Variants in BCL2L11 observed in about 807,000 individuals in gnomAD.
BCL2L11 encodes the protein BCL2 like 11.
A neutral mutation model predicts 20.6 loss-of-function variants in BCL2L11; 15 were observed. The observed-to-expected ratio is 0.73, with a 90% CI of 0.49 to 1.12. BCL2L11 has a LOEUF of 1.12. BCL2L11 is among the 50% of genes most tolerant of loss of function. The pLI is 0.00. For missense variants in BCL2L11, 292 were observed against 260.9 expected (o/e 1.12, Z -0.82); for synonymous variants, 108 against 92.8 (o/e 1.16, Z -0.94).
rs758817904 is a variant in BCL2L11 at position 111,164,208 on chromosome 2, C to T, written c.574C>T (p.Arg192Cys). The T allele has an allele frequency of 1.5e-5, 24 of 1,612,592 alleles. No individual in the cohort carries two copies. The highest frequency in any genetic ancestry group is 2.2e-5 in the East Asian group (1 of 44,874). The change falls in exon 4 of 4, where the codon CGC (arginine) becomes TGC (cysteine). Residue 192 changes from arginine (R) to cysteine (C), a missense_variant. Coordinates refer to ENST00000393256, the MANE Select transcript of BCL2L11 (RefSeq NM_138621.5). Reference protein sequence around the residue: ...VILRLLRYIVRLVWRMH With the variant: ...VILRLLRYIVCLVWRMH ...CTTACGACTGTTACGTTACATTGTCCGCCTGGTGTGGAGAATGCATTGACA... is the reference window on the plus strand; with the variant it reads ...CTTACGACTGTTACGTTACATTGTCTGCCTGGTGTGGAGAATGCATTGACA...
chr2:111,144,387 T>C, intron 2 of BCL2L11: 1 of 1,296,424 alleles, frequency 7.7e-7, no homozygotes, highest in Non-Finnish European at 1.1e-6. Context: ...GGTTACTTGC[T>C]TATTTTATTT....
chr2:111,150,048 C>T lies in BCL2L11; in HGVS notation c.399C>T (p.Ser133=). The T allele has an allele frequency of 6.2e-7, 1 of 1,613,580 alleles. No homozygotes were observed. ...TTTTGTTTTGTTCTGATGCAGCTTCCATGAGGCAGGCTGAACCTGCAGATA... is the reference window on the plus strand; with the variant it reads ...TTTTGTTTTGTTCTGATGCAGCTTCTATGAGGCAGGCTGAACCTGCAGATA... The part of the protein sequence containing the change: ...AFNHYLSAMA[S]MRQAEPADMR... The change falls in exon 3 of 4, where the codon TCC becomes TCT. Residue 133 remains serine (S), a synonymous_variant. Coordinates refer to ENST00000393256, the MANE Select transcript of BCL2L11 (RefSeq NM_138621.5).
At chr2:111,131,980 C>T (rs1256615641) in intron 2 of BCL2L11, 1 of 152,142 alleles carries the variant, frequency 6.6e-6, no homozygotes, top group Admixed American at 6.5e-5. Flanking sequence ...TTCGCAAAAC[C>T]AGGGTTAATC....
chr2:111,138,773 C>G (rs2075341102), intron 2 of BCL2L11, among the ~76,000 whole-genome samples: 1 of 152,152 alleles, frequency 6.6e-6, no homozygotes, highest in Non-Finnish European at 1.5e-5. Context: ...TGGGTCGGGT[C>G]CTGCCTGCCC....
rs72948346 is a variant in BCL2L11 at position 111,148,593 on chromosome 2, C to G, written c.395-1451C>G. Among the ~76,000 whole-genome samples, 770 of 152,318 alleles carry G rather than the reference C, an allele frequency of 5.1e-3. 5 individuals are homozygous for G. The highest frequency in any genetic ancestry group is 0.018 in the African/African-American group (737 of 41,572). ...TGATTGGATGTATTCAGAGGCCATGCCTGACATCCTGAAAGTTTCCCCTTC... is the reference window on the plus strand; with the variant it reads ...TGATTGGATGTATTCAGAGGCCATGGCTGACATCCTGAAAGTTTCCCCTTC... On this transcript the variant is annotated intron_variant, in intron 2 of 3. Coordinates refer to ENST00000393256, the MANE Select transcript of BCL2L11 (RefSeq NM_138621.5).
intron 3 of BCL2L11, 21 bp from the exon 4 acceptor site, chr2:111,164,112 G>A: frequency 1.2e-6 from 1 of 851,276 alleles, no homozygotes; most frequent in Non-Finnish European, 1.8e-6. Flanking sequence ...AAACTAAGAA[G>A]CTTTCCTTTT....
At chr2:111,123,345 T>A in intron 1 of BCL2L11, 3 of 985,496 alleles carry the variant, frequency 3.0e-6, no homozygotes, top group Non-Finnish European at 3.6e-6. Flanking sequence ...CTGCGCCCGC[T>A]CCTGTGCTCC....
intron 2 of BCL2L11, chr2:111,144,622 AAAG>A (rs1199207519): frequency 2.5e-5 from 34 of 1,377,418 alleles, no homozygotes; most frequent in African/African-American, 1.0e-4. Context: ...GAAGATATTT[AAAG>A]AAGGAGACTT....
intron 2 of BCL2L11, among the ~76,000 whole-genome samples, chr2:111,138,360 T>C (rs558441712): frequency 3.9e-5 from 6 of 152,240 alleles, no homozygotes; most frequent in Non-Finnish European, 7.3e-5. Flanking sequence ...TTGTCATAAC[T>C]AGTATTATGT....
At chr2:111,131,232 T>TG (rs1296276373) in intron 2 of BCL2L11, 1 of 9,388 alleles carries the variant, frequency 1.1e-4, no homozygotes, top group Admixed American at 1.2e-3. Flanking sequence ...GGGGCGGGGG[T>TG]GGGGGGGATG....
intron 2 of BCL2L11, among the ~76,000 whole-genome samples, chr2:111,125,334 G>T (rs1313105538): frequency 6.6e-6 from 1 of 152,212 alleles, no homozygotes; most frequent in Non-Finnish European, 1.5e-5. Flanking sequence ...GGCTGAGTCT[G>T]TGTTGATCGA....
intron 3 of BCL2L11, among the ~76,000 whole-genome samples, chr2:111,155,415 G>A (rs34202012): frequency 0.024 from 3,599 of 151,160 alleles, 61 homozygotes; most frequent in Middle Eastern, 0.044. Context: ...GCGACCCTCT[G>A]TAGATGTGGG....
chr2:111,161,570 C>T, intron 3 of BCL2L11: 2 of 1,529,654 alleles, frequency 1.3e-6, no homozygotes, highest in Non-Finnish European at 1.8e-6. Context: ...TTGTCTTAGC[C>T]CATGTTAGAT....
intron 2 of BCL2L11, chr2:111,144,421 T>C (rs1394175340): frequency 1.3e-6 from 2 of 1,520,302 alleles, no homozygotes; most frequent in East Asian, 4.9e-5. Context: ...GAGTTGAGGA[T>C]TTCAAACATG....
intron 2 of BCL2L11, chr2:111,128,861 T>G: frequency 7.1e-7 from 1 of 1,409,800 alleles, no homozygotes; most frequent in Non-Finnish European, 9.3e-7. Flanking sequence ...TCTGTTTCTT[T>G]CTACCTTTTT....
At chr2:111,160,826 A>G (rs1215330063) in intron 3 of BCL2L11, among the ~76,000 whole-genome samples, 1 of 152,228 alleles carries the variant, frequency 6.6e-6, no homozygotes, top group Non-Finnish European at 1.5e-5. Flanking sequence ...ACTAAAACAG[A>G]GTTACCCAAC....
chr2:111,123,076 T>C, intron 1 of BCL2L11: 3 of 974,578 alleles, frequency 3.1e-6, no homozygotes, highest in Non-Finnish European at 3.7e-6. Flanking sequence ...TTTAGAGATG[T>C]GCACCTCACG....
chr2:111,150,932 G>A (rs2077183194), intron 3 of BCL2L11, among the ~76,000 whole-genome samples: 1 of 152,002 alleles, frequency 6.6e-6, no homozygotes, highest in Admixed American at 6.5e-5. Flanking sequence ...TTGAGACGGA[G>A]TCTTGCTCTG....
intron 2 of BCL2L11, among the ~76,000 whole-genome samples, chr2:111,134,020 ATTATC>A (rs1211106335): frequency 2.0e-5 from 3 of 151,860 alleles, no homozygotes; most frequent in Non-Finnish European, 4.4e-5. Flanking sequence ...TTAACATAGT[ATTATC>A]TTTTTCCATC....
Sources: gnomAD v4.1 joint callset for allele counts (sites outside exome capture counted in the v4.1 genomes callset) on GRCh38, gnomAD v4.1.1 for gene constraint, MANE v1.5 for transcripts, NCBI Gene and HGNC (gene_info 2026-07-23, HGNC 2026-07-21) for gene names.